The following NELL1 variants were observed in gnomAD, a reference collection of about 807,000 sequenced individuals.
NELL1 encodes the protein protein kinase C-binding protein NELL1.
A neutral mutation model predicts 107.4 loss-of-function variants in NELL1; 76 were observed. That is an observed-to-expected ratio of 0.71 (90% CI 0.59 to 0.86). NELL1 has a LOEUF of 0.86. Among genes scored for constraint, NELL1 ranks in the 40% least tolerant of loss-of-function variants. The probability of loss-of-function intolerance (pLI) is 0.00; values close to 1 mark genes in which losing one functional copy is unlikely to be tolerated. For missense variants in NELL1, 1,024 were observed against 1,005.5 expected, an observed-to-expected ratio of 1.02 and a Z score of -0.25; for synonymous variants, 353 against 341.2, an observed-to-expected ratio of 1.03 and a Z score of -0.38.
At chr11:20,897,599 G>A (rs1590392838) in intron 5 of NELL1, among the ~76,000 whole-genome samples, 1 of 152,190 alleles carries the variant, frequency 6.6e-6, no homozygotes, top group South Asian at 2.1e-4. Context: ...CTTCTGCACA[G>A]CAAAAGAAAC....
intron 12 of NELL1, among the ~76,000 whole-genome samples, chr11:21,041,942 C>A (rs1417869672): frequency 6.6e-6 from 1 of 152,198 alleles, no homozygotes; most frequent in African/African-American, 2.4e-5. Context: ...GGTACAGGTT[C>A]TTTGGGGCTG....
chr11:21,350,777 G>A (rs915422560), intron 14 of NELL1, among the ~76,000 whole-genome samples: 2 of 152,124 alleles, frequency 1.3e-5, no homozygotes, highest in African/African-American at 4.8e-5. Flanking sequence ...AGATCAGTGG[G>A]AAGACAATTA....
Position 21,432,614 on chromosome 11 carries a change from C to T in NELL1, c.1645+61666C>T, listed in dbSNP as rs576294669. Among the ~76,000 whole-genome samples the T allele has an allele frequency of 5.3e-5, 8 of 152,106 alleles. No individual in the cohort carries two copies. In the East Asian group the frequency reaches 5.8e-4, roughly 11 times the overall value. ...GAAAGTTTTGGGGTATGGATTGTCA[C>T]GGGATTGGATCTTGTGTTAAGTGAC... On this transcript the variant is annotated intron_variant, in intron 15 of 19. Coordinates refer to ENST00000357134, the MANE Select transcript of NELL1 (RefSeq NM_006157.5).
chr11:20,937,988 T>C (rs1385280971), intron 10 of NELL1, 129 bp downstream of exon 10: 2 of 751,518 alleles, frequency 2.7e-6, no homozygotes, highest in Non-Finnish European at 4.5e-6. Context: ...CTCTCTGCGG[T>C]GGGTTGGATT....
intron 3 of NELL1, among the ~76,000 whole-genome samples, chr11:20,804,021 C>G (rs1857332024): frequency 6.6e-6 from 1 of 151,600 alleles, no homozygotes; most frequent in Non-Finnish European, 1.5e-5. Flanking sequence ...TGCAGACAGC[C>G]TATTGTGATA....
intron 12 of NELL1, among the ~76,000 whole-genome samples, chr11:21,098,090 T>C (rs188291786): frequency 2.2e-4 from 33 of 152,320 alleles, no homozygotes; most frequent in African/African-American, 6.7e-4. Flanking sequence ...TGCCTGGATC[T>C]GACCTTCCTT....
At chr11:20,992,802 C>T (rs563808857) in intron 12 of NELL1, among the ~76,000 whole-genome samples, 2 of 150,426 alleles carry the variant, frequency 1.3e-5, no homozygotes, top group African/African-American at 2.4e-5. Context: ...GCAACCTCCA[C>T]CTCCTGGGTT....
chr11:21,318,845 AG>A (rs1347261206), intron 14 of NELL1, among the ~76,000 whole-genome samples: 20 of 152,130 alleles, frequency 1.3e-4, no homozygotes, highest in African/African-American at 3.9e-4. Context: ...CTTGCCCTAG[AG>A]TCAGATGGGG....
intron 15 of NELL1, among the ~76,000 whole-genome samples, chr11:21,408,495 A>G (rs529088071): frequency 1.4e-4 from 22 of 152,208 alleles, no homozygotes; most frequent in Admixed American, 1.2e-3. Context: ...TTACAGACAT[A>G]TAGATACTGG....
Position 21,450,498 on chromosome 11 carries a change from C to T in NELL1, c.1645+79550C>T, listed in dbSNP as rs78527679. Among the ~76,000 whole-genome samples the T allele has an allele frequency of 0.018, 2,713 of 152,198 alleles. 199 individuals carry two copies. The East Asian group carries it at 0.22, about 13-fold the overall frequency. Reference sequence around the variant, plus strand: ...GAGGTATAACGTTGTATAATTGATACGCCATATGATGATACTAATTGCAAT... The same window carrying T: ...GAGGTATAACGTTGTATAATTGATATGCCATATGATGATACTAATTGCAAT... On this transcript the variant is annotated intron_variant, in intron 15 of 19. Transcript: ENST00000357134.
intron 9 of NELL1, among the ~76,000 whole-genome samples, chr11:20,929,913 A>G (rs1420971290): frequency 1.3e-5 from 2 of 151,022 alleles, no homozygotes; most frequent in African/African-American, 4.9e-5. Context: ...CAGAGGTTGC[A>G]GTGAGCTGAG....
At chr11:21,084,503 G>T (rs972491597) in intron 12 of NELL1, among the ~76,000 whole-genome samples, 15 of 152,086 alleles carry the variant, frequency 9.9e-5, no homozygotes, top group African/African-American at 3.1e-4. Flanking sequence ...TATGAAGTTG[G>T]CTCTGGGCTC....
chr11:21,266,738 G>A (rs1245657708), intron 14 of NELL1, among the ~76,000 whole-genome samples: 1 of 151,882 alleles, frequency 6.6e-6, no homozygotes, highest in Non-Finnish European at 1.5e-5. Context: ...GATCTTAGTG[G>A]CATGACACAT....
chr11:21,502,969 G>A (rs1394595984), intron 15 of NELL1, among the ~76,000 whole-genome samples: 4 of 152,018 alleles, frequency 2.6e-5, no homozygotes, highest in African/African-American at 4.8e-5. Flanking sequence ...CACAACTTCC[G>A]CCTCCCGGGT....
chr11:21,199,141 GTTC>G (rs1056153489), intron 13 of NELL1, among the ~76,000 whole-genome samples: 12 of 152,116 alleles, frequency 7.9e-5, no homozygotes, highest in African/African-American at 2.9e-4. Flanking sequence ...TATTTATCTT[GTTC>G]TTCTTACTAC....
chr11:20,743,004 C>A (rs1039707449), intron 2 of NELL1, among the ~76,000 whole-genome samples: 1 of 152,104 alleles, frequency 6.6e-6, no homozygotes, highest in African/African-American at 2.4e-5. Context: ...TAGCTTCTAA[C>A]CAATCTGTAT....
At chr11:21,254,427 A>T (rs1317381713) in intron 14 of NELL1, among the ~76,000 whole-genome samples, 1 of 152,148 alleles carries the variant, frequency 6.6e-6, no homozygotes, top group Non-Finnish European at 1.5e-5. Context: ...AAACAAAGGC[A>T]TAAATTAAGT....
intron 13 of NELL1, among the ~76,000 whole-genome samples, chr11:21,114,982 G>A: frequency 6.6e-6 from 1 of 151,880 alleles, no homozygotes; most frequent in East Asian, 1.9e-4. Flanking sequence ...TAGCCCAAGA[G>A]CACCATATTA....
intron 14 of NELL1, among the ~76,000 whole-genome samples, chr11:21,232,027 G>A (rs1454888373): frequency 7.3e-5 from 11 of 151,308 alleles, no homozygotes; most frequent in Non-Finnish European, 1.0e-4. Flanking sequence ...AAGGCCAGGC[G>A]CAGTGGATCA....
Sources: gnomAD v4.1 joint callset for allele counts (sites outside exome capture counted in the v4.1 genomes callset) on GRCh38, gnomAD v4.1.1 for gene constraint, MANE v1.5 for transcripts, NCBI Gene and HGNC (gene_info 2026-07-23, HGNC 2026-07-21) for gene names.